PXDC1: variants seen among roughly 807,000 people sequenced by gnomAD.
PXDC1 encodes the protein PX domain-containing protein 1.
PXDC1 carries 13 observed loss-of-function variants against 24.4 expected under a neutral mutation model. The ratio of observed to expected loss-of-function variants is 0.53; its 90% CI spans 0.35 to 0.85. The LOEUF (loss-of-function observed/expected upper bound fraction) is 0.85. PXDC1 is among the 40% of genes least tolerant of loss of function. The probability of loss-of-function intolerance (pLI) is 0.01; values close to 1 mark genes in which losing one functional copy is unlikely to be tolerated. For synonymous variants in PXDC1, 162 were observed against 124.9 expected (o/e 1.30, Z -1.98); for missense variants, 344 against 309.3 (o/e 1.11, Z -0.84).
At position 3,751,505 on chromosome 6, in the gene PXDC1, C is replaced by T. The variant is rs369797402; in HGVS notation, c.27G>A (p.Thr9=). ...CGCGCACGAACATGTTCACGAGCGA[C>T]GTGCCCTCAAACACCGCCGAGGCCA... is the stretch of plus-strand genomic sequence containing the variant. MASAVFEG[T]SLVNMFVRGC... Residue 9 remains threonine (T), a synonymous_variant, in exon 1 of 5, where the codon ACG becomes ACA. Transcript: ENST00000380283. 7 of 1,601,188 alleles carry T rather than the reference C, an allele frequency of 4.4e-6. No individual in the cohort carries two copies. Among genetic ancestry groups the T allele is most frequent in the South Asian group, 2.2e-5 (2 of 89,158 alleles).
Position 3,723,553 on chromosome 6 carries a change from C to T in PXDC1, c.*66G>A. Reference sequence around the variant, plus strand: ...GGGCAGCAGCTGTGACCATGGGGGCCAGCACAGTGGACAGCATCAGAGCTG... The same window carrying T: ...GGGCAGCAGCTGTGACCATGGGGGCTAGCACAGTGGACAGCATCAGAGCTG... On this transcript the variant is annotated 3_prime_UTR_variant, in exon 5 of 5. Coordinates refer to ENST00000380283, the MANE Select transcript of PXDC1 (RefSeq NM_183373.4). 1.6e-6 allele frequency: 2 copies of T among 1,251,128 alleles called. No individual in the cohort carries two copies. The highest frequency in any genetic ancestry group is 2.3e-5 in the East Asian group (1 of 43,132). The allele number at this position is 1,251,128 out of a possible 1,614,324, so 77.5% of individuals were successfully genotyped here.
At position 3,724,666 on chromosome 6, in the gene PXDC1, G is replaced by A. The variant is rs1381210741; in HGVS notation, c.579-930C>T. Among the ~76,000 whole-genome samples, 2 of 152,270 alleles carry A rather than the reference G, an allele frequency of 1.3e-5. No individual in the cohort carries two copies. The highest frequency in any genetic ancestry group is 3.9e-4 in the East Asian group (2 of 5,158). On this transcript the variant is annotated intron_variant, in intron 4 of 4. Transcript: ENST00000380283. This position sits in a 1 kb window ranked among gnomAD's most constrained non-coding sequence, Gnocchi z 4.5. ...GGGAGCCACCTCGGGGCTGCCTCCTGTGCCGCCCCCAGTGACTGAAGGTGG... is the reference window on the plus strand; with the variant it reads ...GGGAGCCACCTCGGGGCTGCCTCCTATGCCGCCCCCAGTGACTGAAGGTGG...
intron 1 of PXDC1, chr6:3,738,840 T>C: frequency 7.7e-7 from 1 of 1,302,902 alleles, no homozygotes; most frequent in Non-Finnish European, 1.0e-6. Flanking sequence ...TATCTCCCCA[T>C]GAGAAGCGCA....
At chr6:3,729,146 T>A (rs1296952323) in intron 3 of PXDC1, among the ~76,000 whole-genome samples, 1 of 152,130 alleles carries the variant, frequency 6.6e-6, no homozygotes, top group Admixed American at 6.5e-5. Context: ...TGTTTTCCTT[T>A]ATTTTTTCTT....
chr6:3,734,545 T>C (rs973951403), intron 3 of PXDC1, among the ~76,000 whole-genome samples: 34 of 152,052 alleles, frequency 2.2e-4, no homozygotes, highest in Non-Finnish European at 3.2e-4. Context: ...CTGTGAGCCC[T>C]CTGAGATGAG....
At chr6:3,735,590 G>A (rs1387490483) in intron 3 of PXDC1, among the ~76,000 whole-genome samples, 1 of 152,186 alleles carries the variant, frequency 6.6e-6, no homozygotes, top group Non-Finnish European at 1.5e-5. Flanking sequence ...GTAGAACAGT[G>A]GTTACCAGAG....
Position 3,751,388 on chromosome 6 carries a change from GCGGTCCGA to G in PXDC1, c.136_143del (p.Ser46GlnfsTer53). The G allele has an allele frequency of 1.3e-6, 2 of 1,568,826 alleles. No individual in the cohort carries two copies. Among genetic ancestry groups the G allele is most frequent in the Non-Finnish European group, 1.7e-6 (2 of 1,158,334 alleles). On this transcript the variant is annotated frameshift_variant, in exon 1 of 5. Coordinates refer to ENST00000380283, the MANE Select transcript of PXDC1 (RefSeq NM_183373.4). LOFTEE classifies it high-confidence loss of function. ...GGCTGCGGTGCAGGTAGAGCACGCT[GCGGTCCGA>G]CCACTCCGTGCGGATCTCGAAGAAC... is the stretch of plus-strand genomic sequence containing the variant.
At chr6:3,748,150 A>G (rs563859690) in intron 1 of PXDC1, among the ~76,000 whole-genome samples, 5 of 152,214 alleles carry the variant, frequency 3.3e-5, no homozygotes, top group Non-Finnish European at 5.9e-5. Flanking sequence ...GGTAACCCTG[A>G]ACCATGTTAG....
chr6:3,749,336 C>T (rs769806887), intron 1 of PXDC1, among the ~76,000 whole-genome samples: 1 of 151,600 alleles, frequency 6.6e-6, no homozygotes, highest in Non-Finnish European at 1.5e-5. Flanking sequence ...TCATTCTGAC[C>T]CCTATTTCTG....
intron 1 of PXDC1, among the ~76,000 whole-genome samples, chr6:3,739,355 C>A (rs770763563): frequency 6.6e-6 from 1 of 152,214 alleles, no homozygotes; most frequent in Non-Finnish European, 1.5e-5. Context: ...GAACCTTCTC[C>A]CCACTTCCTC....
intron 1 of PXDC1, 103 bp downstream of exon 1, chr6:3,751,173 G>A (rs1021550783): frequency 2.1e-6 from 2 of 935,804 alleles, no homozygotes; most frequent in African/African-American, 1.8e-5. Flanking sequence ...AGGGCGGGCA[G>A]AAAGGAGAAG....
rs978452328 is a variant in PXDC1, at chr6:3,728,094, T to C, written c.467-432A>G. 5.3e-5 allele frequency among the ~76,000 whole-genome samples: 8 copies of C among 152,212 alleles called. No individual in the cohort carries two copies. The highest frequency in any genetic ancestry group is 1.9e-4 in the African/African-American group (8 of 41,454). ...GTGGCTGAGACATGAGTAACAATAT[T>C]GACTGCCCTGGGTTGTTGTTCTGAC... On this transcript the variant is annotated intron_variant, in intron 3 of 4. Coordinates refer to ENST00000380283, the MANE Select transcript of PXDC1 (RefSeq NM_183373.4). This position sits in a 1 kb window ranked among gnomAD's most constrained non-coding sequence, Gnocchi z 4.0.
chr6:3,725,890 G>A lies in PXDC1; in HGVS notation c.578+1661C>T, dbSNP rs186206020. Among the ~76,000 whole-genome samples, 91 of 152,296 alleles carry A rather than the reference G, an allele frequency of 6.0e-4. No homozygotes were observed. The highest frequency in any genetic ancestry group is 3.4e-3 in the Middle Eastern group (1 of 294). ...CGTTTCTTTGTTAGGCTTTTCTGGG[G>A]TCATGGAGATTTTCTCGGCCCTCTC... On this transcript the variant is annotated intron_variant, in intron 4 of 4. Transcript: ENST00000380283. The surrounding 1 kb of genome is among the most constrained non-coding windows in gnomAD (Gnocchi z 4.8).
At chr6:3,744,980 G>A (rs775212045) in intron 1 of PXDC1, among the ~76,000 whole-genome samples, 5 of 152,350 alleles carry the variant, frequency 3.3e-5, no homozygotes, top group Admixed American at 2.0e-4. Context: ...GCTTACAGGC[G>A]TGAGCCACCG....
intron 3 of PXDC1, among the ~76,000 whole-genome samples, chr6:3,731,793 T>C (rs1329971543): frequency 6.6e-6 from 1 of 152,186 alleles, no homozygotes; most frequent in African/African-American, 2.4e-5. Context: ...GTCCCTCGAT[T>C]TGGGTTTGTT....
intron 3 of PXDC1, among the ~76,000 whole-genome samples, chr6:3,733,282 C>A (rs1462386512): frequency 1.3e-5 from 2 of 152,074 alleles, no homozygotes; most frequent in Non-Finnish European, 2.9e-5. Flanking sequence ...GCCTGGGGAG[C>A]CACAGATCCA....
intron 1 of PXDC1, among the ~76,000 whole-genome samples, chr6:3,740,499 T>C (rs1760428901): frequency 6.6e-6 from 1 of 152,164 alleles, no homozygotes; most frequent in Non-Finnish European, 1.5e-5. Flanking sequence ...GCCTACGCTA[T>C]CTTCTTTGTG....
Position 3,737,798 on chromosome 6 carries a change from C to T in PXDC1, c.348+259G>A. The stretch of plus-strand genomic sequence containing the variant: ...GATCCGCACCCTTCCACCCATGCCT[C>T]CTTGCATCCCTCATTTTCACTCTTT... On this transcript the variant is annotated intron_variant, in intron 2 of 4. Coordinates refer to ENST00000380283, the MANE Select transcript of PXDC1 (RefSeq NM_183373.4). The surrounding 1 kb of genome is among the most constrained non-coding windows in gnomAD (Gnocchi z 5.5). The T allele has an allele frequency of 2.0e-6, 1 of 503,130 alleles. No homozygotes were observed. The highest frequency in any genetic ancestry group is 2.6e-6 in the Non-Finnish European group (1 of 389,610). The allele number at this position is 503,130 out of a possible 1,614,324, so 31.2% of individuals were successfully genotyped here. A position where few individuals can be genotyped will look rare whatever the true frequency, so the allele number is the denominator to read the frequency against.
rs1760118682 is a variant in PXDC1, at chr6:3,728,377, C to T, written c.467-715G>A. ...AAGTGAGAATATACAATATTGGTTG[C>T]CCATTCCTGAGTTACTTCTCAGTGT... is the stretch of plus-strand genomic sequence containing the variant. On this transcript the variant is annotated intron_variant, in intron 3 of 4. Transcript: ENST00000380283. The surrounding 1 kb of genome is among the most constrained non-coding windows in gnomAD (Gnocchi z 4.0). 6.6e-6 allele frequency among the ~76,000 whole-genome samples: 1 copy of T among 152,166 alleles called. No homozygotes were observed. The highest frequency in any genetic ancestry group is 6.5e-5 in the Admixed American group (1 of 15,282).
Sources: gnomAD v4.1 joint callset for allele counts (sites outside exome capture counted in the v4.1 genomes callset) on GRCh38, gnomAD v4.1.1 for gene constraint, Gnocchi (gnomAD v3.1) non-coding constraint, MANE v1.5 for transcripts, NCBI Gene and HGNC (gene_info 2026-07-23, HGNC 2026-07-21) for gene names.